Variants in DTWD2 observed in about 807,000 individuals in gnomAD.
DTWD2 encodes DTW motif tRNA-uridine aminocarboxypropyltransferase 2.
A neutral mutation model predicts 31.8 loss-of-function variants in DTWD2; 39 were observed. The observed-to-expected ratio is 1.22, with a 90% confidence interval of 0.95 to 1.60. The LOEUF (loss-of-function observed/expected upper bound fraction) is 1.60. Among genes scored for constraint, DTWD2 ranks in the 40% most tolerant of loss-of-function variants. The probability of loss-of-function intolerance (pLI) is 0.00; values close to 1 mark genes in which losing one functional copy is unlikely to be tolerated. For missense variants in DTWD2, 515 were observed against 381.5 expected (o/e 1.35, Z -2.92); for synonymous variants, 180 against 142.8 (o/e 1.26, Z -1.86).
At chr5:118,908,963 A>G (rs141456871) in intron 4 of DTWD2, among the ~76,000 whole-genome samples, 53 of 152,326 alleles carry the variant, frequency 3.5e-4, no homozygotes, top group East Asian at 3.1e-3. Flanking sequence ...AAAGCCCAAA[A>G]ATAACTGCCC....
chr5:118,903,625 A>T (rs1753264380), intron 4 of DTWD2, among the ~76,000 whole-genome samples: 1 of 152,024 alleles, frequency 6.6e-6, no homozygotes, highest in South Asian at 2.1e-4. Flanking sequence ...TCTAGCTAAC[A>T]TGTTAAGCAG....
intron 4 of DTWD2, among the ~76,000 whole-genome samples, chr5:118,905,721 A>G (rs1049102880): frequency 1.2e-4 from 19 of 152,170 alleles, no homozygotes; most frequent in African/African-American, 4.6e-4. Flanking sequence ...TTGGATAACT[A>G]TATTTTTTAT....
At chr5:118,862,541 T>A (rs1200377956) in intron 4 of DTWD2, among the ~76,000 whole-genome samples, 2 of 152,172 alleles carry the variant, frequency 1.3e-5, no homozygotes, top group Non-Finnish European at 2.9e-5. Flanking sequence ...AAAGTGAAGA[T>A]CTTGAATTTG....
rs981484021 is a variant in DTWD2 at position 118,939,246 on chromosome 5, G to C, written c.354C>G (p.Leu118=). The C allele has an allele frequency of 1.6e-5, 26 of 1,601,668 alleles. No homozygotes were observed. Among genetic ancestry groups the C allele is most frequent in the Admixed American group, 1.2e-4 (7 of 58,328 alleles). ...LRTVPLLAAC[L]PQDKCKVKIG... is the part of the protein sequence containing the mutation. ...TCTTCACTTTACACTTGTCCTGGGGGAGGCATGCTGCTAGTAGAGGAACTG... is the reference window on the plus strand; with the variant it reads ...TCTTCACTTTACACTTGTCCTGGGGCAGGCATGCTGCTAGTAGAGGAACTG... Residue 118 remains leucine (L), a synonymous_variant, in exon 3 of 6, where the codon CTC becomes CTG. Coordinates refer to ENST00000510708, the MANE Select transcript of DTWD2 (RefSeq NM_173666.4).
intron 4 of DTWD2, among the ~76,000 whole-genome samples, chr5:118,857,029 A>C (rs1252301775): frequency 6.6e-6 from 1 of 151,890 alleles, no homozygotes; most frequent in Non-Finnish European, 1.5e-5. Flanking sequence ...TGCCCACCTC[A>C]GCCTCCCAAA....
intron 1 of DTWD2, chr5:118,974,706 T>G (rs780977969): frequency 2.0e-6 from 1 of 509,646 alleles, no homozygotes; most frequent in Non-Finnish European, 4.0e-6. Flanking sequence ...TTTCCTTTTT[T>G]GTCTATGAAG....
intron 5 of DTWD2, among the ~76,000 whole-genome samples, chr5:118,842,483 T>C (rs35198400): frequency 0.083 from 12,612 of 152,190 alleles, 1,279 homozygotes; most frequent in East Asian, 0.53. Context: ...ATACAAAAGA[T>C]GATGGACAGA....
intron 1 of DTWD2, among the ~76,000 whole-genome samples, chr5:118,960,664 C>A (rs531379666): frequency 6.6e-6 from 1 of 152,014 alleles, no homozygotes; most frequent in Non-Finnish European, 1.5e-5. Flanking sequence ...AAAGGAAAGA[C>A]ATGTAATTAA....
At chr5:118,919,180 C>G (rs1005158301) in intron 4 of DTWD2, among the ~76,000 whole-genome samples, 1 of 152,184 alleles carries the variant, frequency 6.6e-6, no homozygotes, top group African/African-American at 2.4e-5. Context: ...CCCTGTGGTG[C>G]AAAATAGTGA....
At chr5:118,865,959 A>T (rs554399507) in intron 4 of DTWD2, among the ~76,000 whole-genome samples, 6 of 151,950 alleles carry the variant, frequency 3.9e-5, no homozygotes, top group Non-Finnish European at 8.8e-5. Flanking sequence ...AAGTGTATGA[A>T]ATATACCAAA....
intron 4 of DTWD2, among the ~76,000 whole-genome samples, chr5:118,858,873 G>T (rs1338129139): frequency 6.6e-6 from 1 of 152,150 alleles, no homozygotes; most frequent in African/African-American, 2.4e-5. Flanking sequence ...TCCACACATT[G>T]CAGTTAGCTG....
chr5:118,951,953 C>A lies in DTWD2; in HGVS notation c.219-7304G>T, dbSNP rs1362024036. Among the ~76,000 whole-genome samples the A allele has an allele frequency of 4.6e-5, 7 of 152,074 alleles. No homozygotes were observed. In the East Asian group the frequency reaches 1.3e-3, roughly 29 times the overall value. ...GTCTTCCCAAGTCTGTGACTGGCAC[C>A]GGAGTTTTAGGTTCACGGATAAAAC... On this transcript the variant is annotated intron_variant, in intron 1 of 5. Coordinates refer to ENST00000510708, the MANE Select transcript of DTWD2 (RefSeq NM_173666.4).
At chr5:118,849,387 A>C (rs979748053) in intron 4 of DTWD2, among the ~76,000 whole-genome samples, 6 of 152,150 alleles carry the variant, frequency 3.9e-5, no homozygotes, top group Admixed American at 6.5e-5. Context: ...TATATACTAG[A>C]GAGGATCTGG....
intron 1 of DTWD2, among the ~76,000 whole-genome samples, chr5:118,954,718 T>C (rs181836531): frequency 4.4e-4 from 67 of 152,244 alleles, no homozygotes; most frequent in African/African-American, 1.5e-3. Flanking sequence ...TTTGGATTTT[T>C]TTTTGTAGAG....
chr5:118,958,004 A>T (rs1351343830), intron 1 of DTWD2, among the ~76,000 whole-genome samples: 1 of 152,186 alleles, frequency 6.6e-6, no homozygotes, highest in Non-Finnish European at 1.5e-5. Context: ...AAATAAGCCT[A>T]TCTATTAAAA....
chr5:118,855,525 C>A (rs1014857085), intron 4 of DTWD2, among the ~76,000 whole-genome samples: 21 of 151,884 alleles, frequency 1.4e-4, no homozygotes, highest in Admixed American at 2.6e-4. Flanking sequence ...AAAGAAAACA[C>A]TAACCTAAAT....
Position 118,936,046 on chromosome 5 carries a change from AAAT to A in DTWD2, c.404+3147_404+3149del, listed in dbSNP as rs1434482290. 2.6e-5 allele frequency among the ~76,000 whole-genome samples: 4 copies of A among 152,370 alleles called. No homozygotes were observed. In the South Asian group the frequency reaches 6.2e-4, roughly 24 times the overall value. On this transcript the variant is annotated intron_variant, in intron 3 of 5. Coordinates refer to ENST00000510708, the MANE Select transcript of DTWD2 (RefSeq NM_173666.4). ...AAACCTAAAATCACAGAGTATAAACAAATAAGAGTAGAAATCAAAATAAACATA... is the reference window on the plus strand; with the variant it reads ...AAACCTAAAATCACAGAGTATAAACAAAGAGTAGAAATCAAAATAAACATA...
intron 4 of DTWD2, among the ~76,000 whole-genome samples, chr5:118,856,938 A>G (rs904056324): frequency 1.3e-5 from 2 of 151,294 alleles, no homozygotes; most frequent in Non-Finnish European, 2.9e-5. Context: ...ACGCCCAATT[A>G]ATTTTTTTTT....
chr5:118,939,256 G>C lies in DTWD2; in HGVS notation c.344C>G (p.Ala115Gly). The C allele has an allele frequency of 6.2e-7, 1 of 1,600,150 alleles. No homozygotes were observed. The highest frequency in any genetic ancestry group is 8.5e-7 in the Non-Finnish European group (1 of 1,172,832). ...ACACTTGTCCTGGGGGAGGCATGCT[G>C]CTAGTAGAGGAACTGTACGCAACAC... ...NKVLRTVPLL[A>G]ACLPQDKCKV... The change falls in exon 3 of 6, where the codon GCA becomes GGA. Residue 115 changes from alanine (A) to glycine (G), a missense_variant. By Grantham distance (60) the Ala-to-Gly change is moderately conservative. Coordinates refer to ENST00000510708, the MANE Select transcript of DTWD2 (RefSeq NM_173666.4).
Sources: allele counts gnomAD v4.1 joint callset (sites outside exome capture counted in the v4.1 genomes callset), GRCh38; gene constraint gnomAD v4.1.1; transcripts MANE v1.5; gene names NCBI Gene and HGNC (gene_info 2026-07-23, HGNC 2026-07-21).